Variants in CCSER1 observed in about 807,000 individuals in gnomAD.
CCSER1 encodes the protein coiled-coil serine rich protein 1.
A neutral mutation model predicts 82.0 loss-of-function variants in CCSER1; 41 were observed. That is an observed-to-expected ratio of 0.50 (90% CI 0.39 to 0.65). The LOEUF (loss-of-function observed/expected upper bound fraction) is 0.65. CCSER1 is among the 30% of genes least tolerant of loss of function. The pLI is 0.00. For synonymous variants in CCSER1, 414 were observed against 383.9 expected (o/e 1.08, Z -0.92); for missense variants, 1,119 against 1,064.2 (o/e 1.05, Z -0.72).
chr4:91,090,825 C>T lies in CCSER1; in HGVS notation c.2217+4831C>T, dbSNP rs187551422. 2.5e-4 allele frequency among the ~76,000 whole-genome samples: 38 copies of T among 152,276 alleles called. No individual in the cohort carries two copies. In the East Asian group the frequency reaches 6.0e-3, roughly 24 times the overall value. On this transcript the variant is annotated intron_variant, in intron 10 of 10. Coordinates refer to ENST00000509176, the MANE Select transcript of CCSER1 (RefSeq NM_001145065.2). ...AAATACTGGCTCTGGAGAGCATTTTCGAATCTCTCCTTTTATTAAAATATT... is the reference window on the plus strand; with the variant it reads ...AAATACTGGCTCTGGAGAGCATTTTTGAATCTCTCCTTTTATTAAAATATT...
chr4:90,262,897 G>A (rs1724585930), intron 1 of CCSER1, among the ~76,000 whole-genome samples: 2 of 152,164 alleles, frequency 1.3e-5, no homozygotes, highest in African/African-American at 4.8e-5. Context: ...AACCTGGGGA[G>A]TGCTCCTCCT....
At chr4:90,851,900 C>G (rs1360374568) in intron 8 of CCSER1, among the ~76,000 whole-genome samples, 1 of 152,138 alleles carries the variant, frequency 6.6e-6, no homozygotes, top group Non-Finnish European at 1.5e-5. Context: ...TGCCTAACCA[C>G]TACTTTCTTT....
intron 2 of CCSER1, among the ~76,000 whole-genome samples, chr4:90,310,797 A>G (rs1045428396): frequency 1.3e-5 from 2 of 152,234 alleles, no homozygotes; most frequent in East Asian, 1.9e-4. Flanking sequence ...ACATAATGTC[A>G]CGAGTAATAG....
intron 6 of CCSER1, among the ~76,000 whole-genome samples, chr4:90,710,891 T>C (rs1431878375): frequency 6.6e-6 from 1 of 152,072 alleles, no homozygotes; most frequent in Non-Finnish European, 1.5e-5. Context: ...TTAATGGGAA[T>C]AGCATTGAAT....
intron 1 of CCSER1, among the ~76,000 whole-genome samples, chr4:90,135,394 A>T (rs747285041): frequency 2.1e-4 from 32 of 152,102 alleles, no homozygotes; most frequent in Non-Finnish European, 3.8e-4. Flanking sequence ...TCATTTTTTA[A>T]AAAAAAGACT....
At chr4:91,214,945 T>C (rs1411476883) in intron 10 of CCSER1, among the ~76,000 whole-genome samples, 2 of 152,054 alleles carry the variant, frequency 1.3e-5, no homozygotes, top group Non-Finnish European at 1.5e-5. Context: ...AATGGAAATA[T>C]TGAGAAATTA....
At chr4:90,473,039 C>T (rs937757592) in intron 5 of CCSER1, among the ~76,000 whole-genome samples, 4 of 152,058 alleles carry the variant, frequency 2.6e-5, no homozygotes, top group African/African-American at 9.7e-5. Context: ...TTATAAAAAT[C>T]CTACTGTTAA....
chr4:90,266,561 ACTGAAGATGGTAGGAAAGAAAGT>A (rs1395246283), intron 1 of CCSER1, among the ~76,000 whole-genome samples: 2 of 152,132 alleles, frequency 1.3e-5, no homozygotes, highest in African/African-American at 2.4e-5. Context: ...TAAAAGAGGC[ACTGAAGATGGTAGGAAAGAAAGT>A]CTTGAATTGC....
At chr4:91,536,689 C>T (rs1036171746) in intron 10 of CCSER1, among the ~76,000 whole-genome samples, 2 of 152,074 alleles carry the variant, frequency 1.3e-5, no homozygotes, top group African/African-American at 2.4e-5. Context: ...TAGCTCTGCC[C>T]TATCAACAAA....
chr4:91,375,975 T>TTA (rs1361459972), intron 10 of CCSER1, among the ~76,000 whole-genome samples: 1 of 152,010 alleles, frequency 6.6e-6, no homozygotes, highest in Non-Finnish European at 1.5e-5. Context: ...TAAATTACAA[T>TTA]TATATATATT....
intron 5 of CCSER1, among the ~76,000 whole-genome samples, chr4:90,618,901 C>T (rs1210572267): frequency 6.6e-6 from 1 of 151,684 alleles, no homozygotes; most frequent in East Asian, 1.9e-4. Context: ...TTATATATTT[C>T]TTCCACTAAA....
At chr4:91,330,812 G>A (rs1215037806) in intron 10 of CCSER1, among the ~76,000 whole-genome samples, 1 of 152,018 alleles carries the variant, frequency 6.6e-6, no homozygotes, top group Non-Finnish European at 1.5e-5. Flanking sequence ...TGCTTTTCAC[G>A]GTTTAAGTTA....
intron 4 of CCSER1, among the ~76,000 whole-genome samples, chr4:90,458,688 T>A (rs1762495315): frequency 6.6e-6 from 1 of 152,174 alleles, no homozygotes; most frequent in Non-Finnish European, 1.5e-5. Context: ...CCTGCCAATA[T>A]TAAAATGAAA....
At chr4:91,135,074 A>T (rs1038500181) in intron 10 of CCSER1, among the ~76,000 whole-genome samples, 1 of 151,958 alleles carries the variant, frequency 6.6e-6, no homozygotes, top group African/African-American at 2.4e-5. Flanking sequence ...AAAAAAAAAA[A>T]ACTATTCTTA....
chr4:90,940,154 A>G (rs973932195), intron 9 of CCSER1, among the ~76,000 whole-genome samples: 3 of 152,194 alleles, frequency 2.0e-5, no homozygotes, highest in Admixed American at 6.6e-5. Flanking sequence ...AAAGAAAGGT[A>G]CATTTTTTCC....
chr4:90,691,495 T>C (rs1735849028), intron 6 of CCSER1, among the ~76,000 whole-genome samples: 2 of 151,904 alleles, frequency 1.3e-5, no homozygotes, highest in African/African-American at 4.8e-5. Flanking sequence ...CACATGTATA[T>C]AAACGTGTGT....
chr4:91,252,080 G>T (rs1740300527), intron 10 of CCSER1, among the ~76,000 whole-genome samples: 1 of 152,062 alleles, frequency 6.6e-6, no homozygotes, highest in African/African-American at 2.4e-5. Flanking sequence ...AGCATCAAGA[G>T]AAAAGCAATT....
chr4:90,161,250 A>G (rs1050408605), intron 1 of CCSER1, among the ~76,000 whole-genome samples: 1 of 152,130 alleles, frequency 6.6e-6, no homozygotes, highest in Non-Finnish European at 1.5e-5. Context: ...CCTTCATGCA[A>G]AATAAGAACA....
intron 10 of CCSER1, among the ~76,000 whole-genome samples, chr4:91,507,381 T>C (rs1447481394): frequency 6.6e-6 from 1 of 152,166 alleles, no homozygotes; most frequent in African/African-American, 2.4e-5. Flanking sequence ...CAATTCATGA[T>C]GTTGGACATC....
Sources: allele counts gnomAD v4.1 joint callset (sites outside exome capture counted in the v4.1 genomes callset), GRCh38; gene constraint gnomAD v4.1.1; transcripts MANE v1.5; gene names NCBI Gene and HGNC (gene_info 2026-07-23, HGNC 2026-07-21).